The following DNAI4 variants were observed in gnomAD, a reference collection of about 807,000 sequenced individuals.
DNAI4 encodes the protein WD repeat domain 78.
Under a neutral mutation model 105.8 loss-of-function variants are expected in DNAI4, and 85 were observed. The observed-to-expected ratio is 0.80, with a 90% confidence interval of 0.67 to 0.96. DNAI4 has a LOEUF of 0.96. DNAI4 is among the 40% of genes least tolerant of loss of function. The probability of loss-of-function intolerance (pLI) is 0.00; values close to 1 mark genes in which losing one functional copy is unlikely to be tolerated. For missense variants in DNAI4, 1,014 were observed against 1,005.6 expected (o/e 1.01, Z -0.11); for synonymous variants, 352 against 331.5 (o/e 1.06, Z -0.67).
chr1:66,835,070 A>G (rs1295065535), intron 11 of DNAI4, among the ~76,000 whole-genome samples: 15 of 152,104 alleles, frequency 9.9e-5, no homozygotes, highest in Admixed American at 9.8e-4. Flanking sequence ...TCATTTATTC[A>G]TCAATTACTC....
At chr1:66,917,282 G>T (rs1380839530) in intron 1 of DNAI4, among the ~76,000 whole-genome samples, 2 of 152,144 alleles carry the variant, frequency 1.3e-5, no homozygotes, top group African/African-American at 4.8e-5. Context: ...GTGCCACAGA[G>T]GTAACACATT....
At position 66,890,903 on chromosome 1, in the gene DNAI4, ACAG is replaced by A; in HGVS notation, c.643+248_643+250del. On this transcript the variant is annotated intron_variant, in intron 4 of 16. Coordinates refer to ENST00000371026, the MANE Select transcript of DNAI4 (RefSeq NM_024763.5). This position sits in a 1 kb window ranked among gnomAD's most constrained non-coding sequence, Gnocchi z 4.1. ...AGAAGAAGCAGAAGCAGCAGCAGCAACAGCAGCAGCAGAAGCAGCAGCTGAGCT... is the reference window on the plus strand; with the variant it reads ...AGAAGAAGCAGAAGCAGCAGCAGCAACAGCAGCAGAAGCAGCAGCTGAGCT... 2.4e-5 allele frequency: 12 copies of A among 500,930 alleles called. No homozygotes were observed. The highest frequency in any genetic ancestry group is 7.8e-5 in the East Asian group (2 of 25,782). The allele number at this position is 500,930 out of a possible 1,614,324, so 31.0% of individuals were successfully genotyped here. A position where few individuals can be genotyped will look rare whatever the true frequency, so the allele number is the denominator to read the frequency against.
At chr1:66,828,591 T>G (rs879742684) in intron 13 of DNAI4, 19 of 152,214 alleles carry the variant, frequency 1.2e-4, no homozygotes, top group Non-Finnish European at 1.8e-4. Context: ...TGTGTCCCGA[T>G]AATTTTAGTA....
chr1:66,813,981 T>C lies in DNAI4; in HGVS notation c.*149A>G. ...GTAAACTAATCAAATATCTCTGAAA[T>C]AAAAGTTTATTAAATTTAAATTAAG... is the stretch of plus-strand genomic sequence containing the variant. On this transcript the variant is annotated 3_prime_UTR_variant, in exon 17 of 17. Transcript: ENST00000371026. The C allele has an allele frequency of 1.8e-6, 1 of 567,516 alleles. No individual in the cohort carries two copies. Among genetic ancestry groups the C allele is most frequent in the South Asian group, 2.9e-5 (1 of 34,072 alleles). 35.2% of individuals were successfully genotyped at this position (567,516 alleles called of 1,614,324 possible). A position where few individuals can be genotyped will look rare whatever the true frequency, so the allele number is the denominator to read the frequency against.
chr1:66,900,119 G>C (rs1008124615), intron 2 of DNAI4, among the ~76,000 whole-genome samples: 18 of 151,836 alleles, frequency 1.2e-4, no homozygotes, highest in African/African-American at 3.9e-4. Context: ...GCCCAGGCTG[G>C]AGTGCAATGG....
At chr1:66,904,944 A>C in intron 2 of DNAI4, 1 of 390,546 alleles carries the variant, frequency 2.6e-6, no homozygotes, top group Non-Finnish European at 4.5e-6. Flanking sequence ...TATAATTAAT[A>C]CCATAAGCAA....
chr1:66,914,448 G>C lies in DNAI4; in HGVS notation c.171-9073C>G, dbSNP rs1006825212. On this transcript the variant is annotated intron_variant, in intron 1 of 16. Coordinates refer to ENST00000371026, the MANE Select transcript of DNAI4 (RefSeq NM_024763.5). ...TTATCTCGTGGCTAAAAGTTCTGAA[G>C]TAAAAGCTATAGAATCTGTGTGTAT... Among the ~76,000 whole-genome samples the C allele has an allele frequency of 2.0e-4, 30 of 152,166 alleles. 1 individual carries two copies. Among genetic ancestry groups the C allele is most frequent in the Admixed American group, 2.0e-3 (30 of 15,284 alleles).
intron 13 of DNAI4, among the ~76,000 whole-genome samples, chr1:66,829,514 G>A (rs1320887796): frequency 6.6e-6 from 1 of 151,980 alleles, no homozygotes; most frequent in Non-Finnish European, 1.5e-5. Flanking sequence ...TGATCAATAG[G>A]ACATAATAAT....
intron 1 of DNAI4, 23 bp downstream of exon 1, chr1:66,924,639 C>G (rs758261154): frequency 6.2e-7 from 1 of 1,614,098 alleles, no homozygotes; most frequent in African/African-American, 1.3e-5. Flanking sequence ...GGATGGACTA[C>G]GGTTTTTAGC....
chr1:66,893,031 AGAG>A lies in DNAI4; in HGVS notation c.530+195_530+197del, dbSNP rs1647879064. 5.7e-5 allele frequency among the ~76,000 whole-genome samples: 7 copies of A among 122,414 alleles called. 2 individuals are homozygous for A. The allele number at this position is 122,414 out of a possible 152,430, so 80.3% of individuals were successfully genotyped here. A position where few individuals can be genotyped will look rare whatever the true frequency, so the allele number is the denominator to read the frequency against. Reference sequence around the variant, plus strand: ...AGAGAGAGGAAAGAAAGAAAGAAAGAGAGGAAAGAAAGAAAGAAAGAAAGAGAG... The same window carrying A: ...AGAGAGAGGAAAGAAAGAAAGAAAGAGAAAGAAAGAAAGAAAGAAAGAGAG... On this transcript the variant is annotated intron_variant, in intron 3 of 16. Coordinates refer to ENST00000371026, the MANE Select transcript of DNAI4 (RefSeq NM_024763.5).
At chr1:66,902,369 A>C (rs1420542600) in intron 2 of DNAI4, among the ~76,000 whole-genome samples, 3 of 152,102 alleles carry the variant, frequency 2.0e-5, no homozygotes, top group African/African-American at 7.2e-5. Flanking sequence ...CTTCTTTGTA[A>C]AAATATCTAA....
intron 6 of DNAI4, among the ~76,000 whole-genome samples, chr1:66,867,135 T>A (rs912636154): frequency 1.3e-5 from 2 of 152,224 alleles, no homozygotes; most frequent in Non-Finnish European, 2.9e-5. Flanking sequence ...AGATGAGATT[T>A]GGGTGGGAAC....
At chr1:66,844,955 AG>A (rs1646238783) in intron 8 of DNAI4, among the ~76,000 whole-genome samples, 2 of 152,128 alleles carry the variant, frequency 1.3e-5, no homozygotes, top group Non-Finnish European at 2.9e-5. Flanking sequence ...GCACTCTGGG[AG>A]GCTGAGGAGG....
At chr1:66,814,645 T>C (rs375664679) in intron 16 of DNAI4, among the ~76,000 whole-genome samples, 2 of 152,152 alleles carry the variant, frequency 1.3e-5, no homozygotes, top group Non-Finnish European at 2.9e-5. Flanking sequence ...TGGGATTACA[T>C]GCGTGAGCCA....
intron 4 of DNAI4, among the ~76,000 whole-genome samples, chr1:66,889,005 G>A (rs1318769547): frequency 6.6e-6 from 1 of 152,146 alleles, no homozygotes; most frequent in East Asian, 1.9e-4. Context: ...AATATCTACA[G>A]AGAAAGCTGG....
In DNAI4 at chr1:66,874,856, T is replaced by C. The variant is rs1557947410; in HGVS notation, c.725A>G (p.Glu242Gly). 6.2e-7 allele frequency: 1 copy of C among 1,613,832 alleles called. No homozygotes were observed. The highest frequency in any genetic ancestry group is 1.1e-5 in the South Asian group (1 of 91,046). Residue 242 changes from glutamate (E) to glycine (G), a missense_variant, in exon 5 of 17, where the codon GAG becomes GGG. Physicochemically the swap from Glu to Gly is moderately conservative, Grantham distance 98. Coordinates refer to ENST00000371026, the MANE Select transcript of DNAI4 (RefSeq NM_024763.5). The stretch of plus-strand genomic sequence containing the variant: ...GTCAAAAAATCTCAGTGTTTCTGTC[T>C]CTGTGAGTATTATCTCTATATTCTT... ...LEKNIEIILT[E>G]TETLRFFDLP...
In DNAI4 at chr1:66,881,167, T is replaced by C. The variant is rs201180686; in HGVS notation, c.644-6230A>G. Among the ~76,000 whole-genome samples, 30 of 152,326 alleles carry C rather than the reference T, an allele frequency of 2.0e-4. No individual in the cohort carries two copies. The East Asian group carries it at 5.2e-3, about 26-fold the overall frequency. ...GTTTGCTGCAGGGGCAGGGCCATCA[T>C]GGAGAAGCTCTGCTAGGGCAATGCA... On this transcript the variant is annotated intron_variant, in intron 4 of 16. Coordinates refer to ENST00000371026, the MANE Select transcript of DNAI4 (RefSeq NM_024763.5).
intron 6 of DNAI4, chr1:66,870,777 A>G (rs1204266648): frequency 2.0e-5 from 3 of 149,802 alleles, no homozygotes; most frequent in African/African-American, 7.4e-5. Context: ...AAAAAAAAAA[A>G]GGAAAAATAT....
chr1:66,908,210 G>A (rs939521040), intron 1 of DNAI4, among the ~76,000 whole-genome samples: 3 of 152,038 alleles, frequency 2.0e-5, no homozygotes, highest in African/African-American at 7.2e-5. Context: ...TACATGCATG[G>A]GTCAAACACA....
Sources: gnomAD v4.1 joint callset for allele counts (sites outside exome capture counted in the v4.1 genomes callset) on GRCh38, gnomAD v4.1.1 for gene constraint, Gnocchi (gnomAD v3.1) non-coding constraint, MANE v1.5 for transcripts, NCBI Gene and HGNC (gene_info 2026-07-23, HGNC 2026-07-21) for gene names.